Variants in ADH4 observed in about 807,000 individuals in gnomAD.
The protein encoded by ADH4 is alcohol dehydrogenase 4 (class II), pi polypeptide, also known as all-trans-retinol dehydrogenase [NAD(+)] ADH4.
Under a neutral mutation model 35.2 loss-of-function variants are expected in ADH4, and 31 were observed. The ratio of observed to expected loss-of-function variants is 0.88; its 90% CI spans 0.66 to 1.19. The LOEUF is 1.19. ADH4 is among the 50% of genes most tolerant of loss of function. The pLI is 0.00. For missense variants in ADH4, 476 were observed against 458.3 expected (o/e 1.04, Z -0.35); for synonymous variants, 171 against 160.2 (o/e 1.07, Z -0.51).
At chr4:99,131,001 A>G (rs745579108) in intron 6 of ADH4, among the ~76,000 whole-genome samples, 9 of 152,282 alleles carry the variant, frequency 5.9e-5, no homozygotes, top group Middle Eastern at 3.4e-3. Context: ...TATGCATTGC[A>G]GTTAATTCAT....
At chr4:99,128,724 G>T (rs892188417) in intron 6 of ADH4, among the ~76,000 whole-genome samples, 2 of 151,996 alleles carry the variant, frequency 1.3e-5, no homozygotes, top group African/African-American at 2.4e-5. Flanking sequence ...AACAGTTCAG[G>T]ATTTCTTGCT....
At chr4:99,126,828 T>A in intron 7 of ADH4, 96 bp from the exon 8 acceptor site, 1 of 1,268,140 alleles carries the variant, frequency 7.9e-7, no homozygotes, top group African/African-American at 1.5e-5. Flanking sequence ...TAGGTCAGAT[T>A]TGGTTTGCTT....
chr4:99,127,205 T>G lies in ADH4; in HGVS notation c.979+4A>C. On this transcript the variant is annotated splice_donor_region_variant and intron_variant, in intron 7 of 8. Coordinates refer to ENST00000265512, the MANE Select transcript of ADH4 (RefSeq NM_000670.5). ...TTAAAGCTATGAAGAAAAAAAAAAC[T>G]GACCACCAAAGAATGTTCCATTTAT... is the stretch of plus-strand genomic sequence containing the variant. The G allele has an allele frequency of 6.3e-7, 1 of 1,582,322 alleles. No individual in the cohort carries two copies. Among genetic ancestry groups the G allele is most frequent in the Admixed American group, 1.9e-5 (1 of 52,116 alleles).
intron 6 of ADH4, among the ~76,000 whole-genome samples, chr4:99,127,596 A>C (rs1489847742): frequency 6.6e-6 from 1 of 152,194 alleles, no homozygotes; most frequent in African/African-American, 2.4e-5. Flanking sequence ...TGGGTGGCCA[A>C]GGTGGGTGGA....
At chr4:99,141,831 TA>T (rs1729634889) in intron 2 of ADH4, 149 bp from the exon 3 acceptor site, 4 of 700,592 alleles carry the variant, frequency 5.7e-6, no homozygotes, top group Non-Finnish European at 4.3e-6. Context: ...AAAGAACCAA[TA>T]AAAATATACT....
chr4:99,141,584 A>G lies in ADH4; in HGVS notation c.219T>C (p.Gly73=). 6.2e-7 allele frequency: 1 copy of G among 1,614,116 alleles called. No homozygotes were observed. Among genetic ancestry groups the G allele is most frequent in the South Asian group, 1.1e-5 (1 of 91,074 alleles). ...FPVIVGHEAA[G]IVESIGPGVT... Reference sequence around the variant, plus strand: ...CTCCTGGCCCAATACTTTCCACAATACCTGCAGCCTCATGGCCAACGATCA... The same window carrying G: ...CTCCTGGCCCAATACTTTCCACAATGCCTGCAGCCTCATGGCCAACGATCA... The change falls in exon 3 of 9, where the codon GGT becomes GGC. Residue 73 remains glycine (G), a synonymous_variant. Coordinates refer to ENST00000265512, the MANE Select transcript of ADH4 (RefSeq NM_000670.5).
chr4:99,142,278 C>T (rs29001178), intron 2 of ADH4, among the ~76,000 whole-genome samples: 2 of 152,316 alleles, frequency 1.3e-5, no homozygotes, highest in Admixed American at 1.3e-4. Flanking sequence ...CAGGACCCTT[C>T]GGCTGCCTAG....
intron 6 of ADH4, among the ~76,000 whole-genome samples, chr4:99,128,434 A>G (rs1424352271): frequency 6.6e-6 from 1 of 151,724 alleles, no homozygotes; most frequent in East Asian, 1.9e-4. Context: ...ACTCCATCTC[A>G]AAAAAAAAGT....
chr4:99,129,811 G>T (rs534813345), intron 6 of ADH4, among the ~76,000 whole-genome samples: 1 of 152,180 alleles, frequency 6.6e-6, no homozygotes, highest in African/African-American at 2.4e-5. Flanking sequence ...TTCTTGATAT[G>T]TTTAAATTTT....
chr4:99,141,375 T>C (rs79724492), intron 3 of ADH4, among the ~76,000 whole-genome samples, 166 bp downstream of exon 3: 1,867 of 152,352 alleles, frequency 0.012, 28 homozygotes, highest in African/African-American at 0.041. Context: ...TCAAATATTC[T>C]GTCCTATTGC....
chr4:99,130,582 A>G (rs29001214), intron 6 of ADH4, among the ~76,000 whole-genome samples: 31,947 of 152,024 alleles, frequency 0.21, 3,995 homozygotes, highest in Non-Finnish European at 0.28. Flanking sequence ...TTCTCTTTCC[A>G]TTTGGATTCT....
chr4:99,126,874 G>A (rs147790537), intron 7 of ADH4, 142 bp from the exon 8 acceptor site: 43 of 704,312 alleles, frequency 6.1e-5, no homozygotes, highest in Admixed American at 1.1e-4. Context: ...TTAATTTTCT[G>A]TACTTATATC....
In ADH4 at chr4:99,124,485, CATTAATAAGTAT is replaced by C. The variant is rs1729019449; in HGVS notation, c.1119-31_1119-20del. 5 of 1,430,096 alleles carry C rather than the reference CATTAATAAGTAT, an allele frequency of 3.5e-6. No individual in the cohort carries two copies. The South Asian group carries it at 6.5e-5, about 19-fold the overall frequency. 88.6% of individuals were successfully genotyped at this position (1,430,096 alleles called of 1,614,324 possible). On this transcript the variant is annotated intron_variant, in intron 8 of 8. Coordinates refer to ENST00000265512, the MANE Select transcript of ADH4 (RefSeq NM_000670.5). ...TCGGACGCTGTTAATAACAATAAAACATTAATAAGTATAATTTTCATGATAAATTTAACCAAA... is the reference window on the plus strand; with the variant it reads ...TCGGACGCTGTTAATAACAATAAAACAATTTTCATGATAAATTTAACCAAA...
chr4:99,131,819 T>TC (rs1435042411), intron 5 of ADH4, 55 bp from the exon 6 acceptor site: 7 of 1,566,086 alleles, frequency 4.5e-6, no homozygotes, highest in Non-Finnish European at 5.2e-6. Flanking sequence ...CCACTTTTTT[T>TC]CTTTTAAGAG....
At chr4:99,127,658 G>A (rs29001217) in intron 6 of ADH4, among the ~76,000 whole-genome samples, 31,950 of 151,660 alleles carry the variant, frequency 0.21, 4,028 homozygotes, top group Non-Finnish European at 0.28. Flanking sequence ...GCAAAACCCC[G>A]TCTCTACTAA....
intron 8 of ADH4, 78 bp downstream of exon 8, chr4:99,126,516 T>C (rs1729094500): frequency 6.9e-7 from 1 of 1,439,840 alleles, no homozygotes; most frequent in Non-Finnish European, 9.5e-7. Context: ...AACAAGCTGG[T>C]TGCTTCTTAA....
At chr4:99,133,017 C>T (rs1222131449) in intron 5 of ADH4, among the ~76,000 whole-genome samples, 1 of 152,000 alleles carries the variant, frequency 6.6e-6, no homozygotes, top group Non-Finnish European at 1.5e-5. Flanking sequence ...AATGTTGTGG[C>T]ATGTGTTCAG....
chr4:99,127,160 A>G (rs772707994), intron 7 of ADH4, 49 bp downstream of exon 7: 2 of 1,484,730 alleles, frequency 1.3e-6, no homozygotes, highest in South Asian at 2.5e-5. Context: ...TAAGAATTTC[A>G]GAACTACTAG....
Position 99,142,704 on chromosome 4 carries a change from G to T in ADH4, c.95C>A (p.Pro32His), listed in dbSNP as rs145793949. 111 of 1,600,558 alleles carry T rather than the reference G, an allele frequency of 6.9e-5. No individual in the cohort carries two copies. Among genetic ancestry groups the T allele is most frequent in the Admixed American group, 2.1e-4 (12 of 57,290 alleles). Residue 32 changes from proline to histidine, a missense_variant, in exon 2 of 9, where the codon CCC becomes CAC. Physicochemically the swap from Pro to His is moderately conservative, Grantham distance 77 (BLOSUM62 -2). Coordinates refer to ENST00000265512, the MANE Select transcript of ADH4 (RefSeq NM_000670.5). ...LCIEEVEVAP[P>H]KAHEVRIQII... ...CTGAATGCGAACTTCATGAGCCTTGGGGGGAGCTACTTCAACCTCTTCAAT... is the reference window on the plus strand; with the variant it reads ...CTGAATGCGAACTTCATGAGCCTTGTGGGGAGCTACTTCAACCTCTTCAAT...
Sources: gnomAD v4.1 joint callset for allele counts (sites outside exome capture counted in the v4.1 genomes callset) on GRCh38, gnomAD v4.1.1 for gene constraint, MANE v1.5 for transcripts, NCBI Gene and HGNC (gene_info 2026-07-23, HGNC 2026-07-21) for gene names.